PTPRD: variants seen among roughly 807,000 people sequenced by gnomAD.
PTPRD encodes the protein receptor-type tyrosine-protein phosphatase delta.
PTPRD carries 34 observed loss-of-function variants against 214.5 expected under a neutral mutation model. The ratio of observed to expected loss-of-function variants is 0.16; its 90% CI spans 0.12 to 0.21. The LOEUF is 0.21. PTPRD is among the 10% of genes least tolerant of loss of function. The pLI, the probability that PTPRD is intolerant of heterozygous loss-of-function variation, is 1.00. For synonymous variants in PTPRD, 1,128 were observed against 845.7 expected (o/e 1.33, Z -5.79); for missense variants, 2,545 against 2,398.7 (o/e 1.06, Z -1.27).
intron 10 of PTPRD, among the ~76,000 whole-genome samples, chr9:9,114,753 A>G (rs765663371): frequency 6.6e-6 from 1 of 152,126 alleles, no homozygotes; most frequent in Non-Finnish European, 1.5e-5. Flanking sequence ...TCTATAGTTA[A>G]GCAGATGGCC....
At chr9:10,546,280 A>G (rs2130872388) in intron 2 of PTPRD, among the ~76,000 whole-genome samples, 1 of 152,142 alleles carries the variant, frequency 6.6e-6, no homozygotes, top group East Asian at 1.9e-4. Flanking sequence ...GTGTATATTA[A>G]AGCCTTGATA....
At chr9:8,428,470 A>C (rs1226780362) in intron 35 of PTPRD, among the ~76,000 whole-genome samples, 1 of 152,174 alleles carries the variant, frequency 6.6e-6, no homozygotes, top group Non-Finnish European at 1.5e-5. Context: ...TTTTAAAAAC[A>C]ATCTTTTATC....
chr9:9,914,444 G>A (rs1326570846), intron 5 of PTPRD, among the ~76,000 whole-genome samples: 1 of 152,114 alleles, frequency 6.6e-6, no homozygotes, highest in Non-Finnish European at 1.5e-5. Context: ...GCCACGTCAG[G>A]GGCCTAAGAA....
chr9:8,461,184 G>C (rs1222554522), intron 32 of PTPRD, among the ~76,000 whole-genome samples: 1 of 152,022 alleles, frequency 6.6e-6, no homozygotes. Flanking sequence ...TTTCAAAAGA[G>C]AATTCCACAG....
intron 12 of PTPRD, among the ~76,000 whole-genome samples, chr9:8,717,190 A>T (rs1042868765): frequency 6.6e-6 from 1 of 152,176 alleles, no homozygotes; most frequent in Non-Finnish European, 1.5e-5. Context: ...TAAAAGTAAC[A>T]TATGAAAACT....
intron 5 of PTPRD, among the ~76,000 whole-genome samples, chr9:9,861,258 G>C (rs1241960080): frequency 6.6e-6 from 1 of 151,958 alleles, no homozygotes; most frequent in African/African-American, 2.4e-5. Flanking sequence ...AAGTAATTAA[G>C]ATTGAAATAG....
At chr9:10,226,166 G>A (rs903962571) in intron 3 of PTPRD, among the ~76,000 whole-genome samples, 3 of 151,976 alleles carry the variant, frequency 2.0e-5, no homozygotes, top group African/African-American at 7.2e-5. Flanking sequence ...CCCCAAAATT[G>A]TACCTCCTGT....
At chr9:8,760,001 G>T (rs1292415373) in intron 11 of PTPRD, among the ~76,000 whole-genome samples, 3 of 152,328 alleles carry the variant, frequency 2.0e-5, no homozygotes, top group African/African-American at 7.2e-5. Context: ...ATCAGGAGAA[G>T]ATTATTGTAA....
intron 8 of PTPRD, among the ~76,000 whole-genome samples, chr9:9,525,381 C>T (rs2073885064): frequency 6.6e-6 from 1 of 152,096 alleles, no homozygotes; most frequent in South Asian, 2.1e-4. Context: ...TATTGCTAAT[C>T]TTCAGTATAC....
intron 8 of PTPRD, among the ~76,000 whole-genome samples, chr9:9,407,680 C>T (rs1285220181): frequency 6.6e-6 from 1 of 151,740 alleles, no homozygotes; most frequent in Admixed American, 6.6e-5. Flanking sequence ...TGCTAAGACT[C>T]AGTTTCTTTA....
chr9:8,410,247 T>A (rs2093407430), intron 35 of PTPRD, among the ~76,000 whole-genome samples: 1 of 152,224 alleles, frequency 6.6e-6, no homozygotes, highest in Admixed American at 6.5e-5. Context: ...GAGCATGAGT[T>A]CAGTTGAATC....
chr9:10,527,434 G>C (rs2054650539), intron 2 of PTPRD, among the ~76,000 whole-genome samples: 2 of 152,122 alleles, frequency 1.3e-5, no homozygotes, highest in Admixed American at 1.3e-4. Context: ...TGATAAAGAG[G>C]AACTAAGAAT....
chr9:10,300,531 C>G (rs1163550838), intron 3 of PTPRD, among the ~76,000 whole-genome samples: 1 of 152,186 alleles, frequency 6.6e-6, no homozygotes, highest in Non-Finnish European at 1.5e-5. Context: ...ATTCTCACTG[C>G]CAGCACAGAA....
chr9:9,403,296 A>AC lies in PTPRD; in HGVS notation c.-236-5815_-236-5814insG, dbSNP rs1569568026. Among the ~76,000 whole-genome samples, 9 of 149,924 alleles carry AC rather than the reference A, an allele frequency of 6.0e-5. No individual in the cohort carries two copies. The East Asian group carries it at 1.8e-3, about 29-fold the overall frequency. On this transcript the variant is annotated intron_variant, in intron 8 of 45. Coordinates refer to ENST00000381196, the MANE Select transcript of PTPRD (RefSeq NM_002839.4). ...ACAGAGGAATACTCTGTCTCAAAAA[A>AC]AAAAAAAAAAAAAAACCAAAACAAA... is the stretch of plus-strand genomic sequence containing the variant.
intron 11 of PTPRD, among the ~76,000 whole-genome samples, chr9:8,916,406 T>A (rs1297392025): frequency 6.6e-6 from 1 of 152,090 alleles, no homozygotes; most frequent in African/African-American, 2.4e-5. Flanking sequence ...GTGGATACAC[T>A]ATGAGAATAT....
At chr9:9,811,693 C>T (rs976742453) in intron 5 of PTPRD, among the ~76,000 whole-genome samples, 8 of 151,942 alleles carry the variant, frequency 5.3e-5, no homozygotes, top group East Asian at 1.9e-4. Flanking sequence ...GGTGACAGAG[C>T]GAGACTCCAT....
intron 4 of PTPRD, among the ~76,000 whole-genome samples, chr9:10,018,196 A>G (rs2096763611): frequency 6.6e-6 from 1 of 151,994 alleles, no homozygotes; most frequent in African/African-American, 2.4e-5. Context: ...AGAGGAGGAG[A>G]GAGAGAGAAG....
At position 9,667,907 on chromosome 9, in the gene PTPRD, C is replaced by A. The variant is rs1359988665; in HGVS notation, c.-287+66626G>T. 3.3e-5 allele frequency among the ~76,000 whole-genome samples: 5 copies of A among 152,104 alleles called. No homozygotes were observed. In the South Asian group the frequency reaches 8.3e-4, roughly 25 times the overall value. Reference sequence around the variant, plus strand: ...GAGAGCTCCCACTTTGTAAAACATTCTCTTAGCAATGGAACAATTACAGAT... The same window carrying A: ...GAGAGCTCCCACTTTGTAAAACATTATCTTAGCAATGGAACAATTACAGAT... On this transcript the variant is annotated intron_variant, in intron 7 of 45. Coordinates refer to ENST00000381196, the MANE Select transcript of PTPRD (RefSeq NM_002839.4).
At chr9:8,332,095 A>G (rs1377674884) in intron 43 of PTPRD, among the ~76,000 whole-genome samples, 5 of 108,626 alleles carry the variant, frequency 4.6e-5, no homozygotes, top group Non-Finnish European at 8.9e-5. Flanking sequence ...CATTCCTTCC[A>G]AAATGGAACA....
Sources: gnomAD v4.1 joint callset for allele counts (sites outside exome capture counted in the v4.1 genomes callset) on GRCh38, gnomAD v4.1.1 for gene constraint, MANE v1.5 for transcripts, NCBI Gene and HGNC (gene_info 2026-07-23, HGNC 2026-07-21) for gene names.